Variants in LTBP1 observed in about 807,000 individuals in gnomAD.
LTBP1 encodes the protein latent transforming growth factor beta binding protein 1.
Under a neutral mutation model 207.6 loss-of-function variants are expected in LTBP1, and 129 were observed. That is an observed-to-expected ratio of 0.62 (90% CI 0.54 to 0.72). The LOEUF (loss-of-function observed/expected upper bound fraction) is 0.72, where lower values mean the gene tolerates loss of function less well. LTBP1 is among the 30% of genes least tolerant of loss of function. The probability of loss-of-function intolerance (pLI) is 0.00; values close to 1 mark genes in which losing one functional copy is unlikely to be tolerated. For missense variants in LTBP1, 2,281 were observed against 2,217.2 expected, an observed-to-expected ratio of 1.03 and a Z score of -0.58; for synonymous variants, 963 against 833.7, an observed-to-expected ratio of 1.16 and a Z score of -2.67.
intron 3 of LTBP1, among the ~76,000 whole-genome samples, chr2:33,098,518 T>A (rs1377767419): frequency 6.6e-6 from 1 of 152,090 alleles, no homozygotes; most frequent in Admixed American, 6.5e-5. Context: ...CTGCAACTTC[T>A]GCCTCCTGAG....
chr2:33,180,645 G>A (rs1037052111), intron 5 of LTBP1, among the ~76,000 whole-genome samples: 4 of 151,894 alleles, frequency 2.6e-5, no homozygotes, highest in Admixed American at 6.6e-5. Flanking sequence ...AAGTAGAGAC[G>A]GGGGTATGCC....
intron 20 of LTBP1, among the ~76,000 whole-genome samples, chr2:33,296,695 T>C (rs958419434): frequency 6.6e-6 from 1 of 152,112 alleles, no homozygotes; most frequent in African/African-American, 2.4e-5. Context: ...TCCAAGATTA[T>C]AATATATATA....
intron 2 of LTBP1, among the ~76,000 whole-genome samples, chr2:32,966,961 C>G (rs1316712289): frequency 6.6e-6 from 1 of 152,000 alleles, no homozygotes; most frequent in Admixed American, 6.5e-5. Context: ...TACTTTCTCC[C>G]TGAAATGTTT....
chr2:33,394,177 G>A (rs2095340267), intron 32 of LTBP1, among the ~76,000 whole-genome samples: 3 of 152,078 alleles, frequency 2.0e-5, no homozygotes, highest in Non-Finnish European at 4.4e-5. Context: ...TAAGTTCTTT[G>A]TAGATTCTGG....
intron 2 of LTBP1, among the ~76,000 whole-genome samples, chr2:32,970,754 G>C (rs1049826421): frequency 6.8e-6 from 1 of 147,054 alleles, no homozygotes; most frequent in South Asian, 2.1e-4. Context: ...TTTTTTTTTT[G>C]TTCCATATGA....
At chr2:32,982,466 G>A (rs2148734773) in intron 2 of LTBP1, among the ~76,000 whole-genome samples, 1 of 152,318 alleles carries the variant, frequency 6.6e-6, no homozygotes, top group Non-Finnish European at 1.5e-5. Context: ...GTAACAAGGA[G>A]CCCAAGACAG....
intron 21 of LTBP1, among the ~76,000 whole-genome samples, chr2:33,301,184 A>G (rs965953396): frequency 2.6e-5 from 4 of 152,220 alleles, no homozygotes; most frequent in East Asian, 1.9e-4. Flanking sequence ...CCCAATAAGT[A>G]TGTGCTTCCT....
intron 7 of LTBP1, among the ~76,000 whole-genome samples, chr2:33,215,694 A>G (rs990622911): frequency 2.7e-5 from 4 of 150,668 alleles, no homozygotes; most frequent in African/African-American, 7.3e-5. Flanking sequence ...TATGGATGCT[A>G]AACTTCCATT....
In LTBP1 at chr2:33,292,055, T is replaced by C. The variant is rs17012767; in HGVS notation, c.3113-1105T>C. 6.0e-3 allele frequency among the ~76,000 whole-genome samples: 911 copies of C among 152,316 alleles called. 7 individuals are homozygous for C. The highest frequency in any genetic ancestry group is 0.021 in the African/African-American group (881 of 41,566). ...TTGTATGTGTAGTTTTAGCATTTTG[T>C]GATTTAAGTTTTTCCTCTTTAAGTT... On this transcript the variant is annotated intron_variant, in intron 19 of 33. Coordinates refer to ENST00000404816, the MANE Select transcript of LTBP1 (RefSeq NM_206943.4).
intron 2 of LTBP1, among the ~76,000 whole-genome samples, chr2:32,966,040 A>G (rs1679953993): frequency 6.6e-6 from 1 of 152,154 alleles, no homozygotes; most frequent in South Asian, 2.1e-4. Context: ...ATAGTTATGT[A>G]GTGGTTTTAA....
chr2:32,959,621 A>ATATATATATATTTTTTTTT (rs1475834284), intron 2 of LTBP1, among the ~76,000 whole-genome samples: 25 of 36,652 alleles, frequency 6.8e-4, no homozygotes, highest in Non-Finnish European at 9.9e-4. Context: ...ATATATATAT[A>ATATATATATATTTTTTTTT]TTTTTTTTTT....
chr2:33,243,408 G>C (rs995806253), intron 9 of LTBP1, among the ~76,000 whole-genome samples: 2 of 152,172 alleles, frequency 1.3e-5, no homozygotes, highest in Non-Finnish European at 2.9e-5. Context: ...GTGAAGGCCA[G>C]AATTTTTATC....
chr2:33,049,534 TA>T (rs1234389127), intron 3 of LTBP1, among the ~76,000 whole-genome samples: 1 of 152,064 alleles, frequency 6.6e-6, no homozygotes, highest in African/African-American at 2.4e-5. Context: ...AAACCAAGAT[TA>T]AAAAAATGAA....
At chr2:33,391,187 G>A (rs541095507) in intron 32 of LTBP1, among the ~76,000 whole-genome samples, 1 of 152,068 alleles carries the variant, frequency 6.6e-6, no homozygotes, top group African/African-American at 2.4e-5. Context: ...ACACACGCCT[G>A]TGTAACTCCC....
intron 24 of LTBP1, among the ~76,000 whole-genome samples, chr2:33,333,410 T>C (rs1261136448): frequency 6.6e-6 from 1 of 152,194 alleles, no homozygotes; most frequent in Non-Finnish European, 1.5e-5. Context: ...TCTTCTAGGA[T>C]ATTGTTATAA....
Position 33,266,780 on chromosome 2 carries a change from C to T in LTBP1, c.2617+3388C>T, listed in dbSNP as rs372217620. ...AGCTGTCACGTCACTCAGTGAAGCTCCTCTCCACCTTGCTCACCCTCCAGT... is the reference window on the plus strand; with the variant it reads ...AGCTGTCACGTCACTCAGTGAAGCTTCTCTCCACCTTGCTCACCCTCCAGT... On this transcript the variant is annotated intron_variant, in intron 15 of 33. Transcript: ENST00000404816. Among the ~76,000 whole-genome samples the T allele has an allele frequency of 2.6e-5, 4 of 152,276 alleles. No homozygotes were observed. The East Asian group carries it at 5.8e-4, about 22-fold the overall frequency.
At chr2:33,080,689 T>TA (rs1399115873) in intron 3 of LTBP1, among the ~76,000 whole-genome samples, 1 of 152,228 alleles carries the variant, frequency 6.6e-6, no homozygotes, top group Non-Finnish European at 1.5e-5. Context: ...CCTGAATAGT[T>TA]ACTGAGGCAC....
chr2:32,948,858 A>C lies in LTBP1; in HGVS notation c.495-17A>C. 1 of 1,613,532 alleles carries C rather than the reference A, an allele frequency of 6.2e-7. No individual in the cohort carries two copies. Among genetic ancestry groups the C allele is most frequent in the Non-Finnish European group, 8.5e-7 (1 of 1,179,476 alleles). ...GGTCTTTCTGCTGCTGGACTCAGCG[A>C]TCTTGCTTTGTTTCAGGGTCAATGT... On this transcript the variant is annotated splice_polypyrimidine_tract_variant and intron_variant, in intron 1 of 33. Transcript: ENST00000404816.
intron 24 of LTBP1, among the ~76,000 whole-genome samples, chr2:33,326,214 A>G (rs2094424913): frequency 6.6e-6 from 1 of 152,198 alleles, no homozygotes; most frequent in Non-Finnish European, 1.5e-5. Flanking sequence ...TTATAATTGA[A>G]CAAACATCTG....
Sources: gnomAD v4.1 joint callset for allele counts (sites outside exome capture counted in the v4.1 genomes callset) on GRCh38, gnomAD v4.1.1 for gene constraint, MANE v1.5 for transcripts, NCBI Gene and HGNC (gene_info 2026-07-23, HGNC 2026-07-21) for gene names.